Variants in TRMT11 observed in about 807,000 individuals in gnomAD.
TRMT11 encodes tRNA (guanine(10)-N(2))-methyltransferase TRMT11.
In TRMT11, 53 loss-of-function variants were observed where a neutral mutation model predicts 62.8. The ratio of observed to expected loss-of-function variants is 0.84; its 90% CI spans 0.68 to 1.06. The LOEUF (loss-of-function observed/expected upper bound fraction) is 1.06, where lower values mean the gene tolerates loss of function less well. Ranked by LOEUF, TRMT11 falls within the 50% of genes least tolerant of loss-of-function variation. The pLI is 0.00. For synonymous variants in TRMT11, 188 were observed against 190.3 expected (o/e 0.99, Z 0.10); for missense variants, 556 against 553.4 (o/e 1.00, Z -0.05).
chr6:126,150,039 G>C (rs144802030), intron 21 of TRMT11, among the ~76,000 whole-genome samples: 3 of 152,048 alleles, frequency 2.0e-5, no homozygotes, highest in African/African-American at 7.2e-5. Context: ...CTAATGTTGC[G>C]GTATTGAGAG....
chr6:126,015,822 G>A (rs566349582), intron 11 of TRMT11, among the ~76,000 whole-genome samples: 30 of 152,246 alleles, frequency 2.0e-4, no homozygotes, highest in African/African-American at 6.7e-4. Context: ...GTTTTGTAGA[G>A]GACATGGCTT....
intron 6 of TRMT11, among the ~76,000 whole-genome samples, 166 bp downstream of exon 6, chr6:125,998,850 C>T (rs1379032627): frequency 1.3e-5 from 2 of 151,952 alleles, no homozygotes; most frequent in Non-Finnish European, 2.9e-5. Context: ...TTGTGTTTTC[C>T]CAGAGATTCT....
chr6:126,089,832 A>AT (rs1279246322), intron 17 of TRMT11, among the ~76,000 whole-genome samples: 1 of 152,292 alleles, frequency 6.6e-6, no homozygotes, highest in African/African-American at 2.4e-5. Flanking sequence ...AATTCATGGG[A>AT]TTTTTTTCCA....
At chr6:126,258,226 A>C in the TRMT11 span, 2 of 639,776 alleles carry the variant, frequency 3.1e-6, no homozygotes, top group Non-Finnish European at 6.0e-6. Flanking sequence ...CTGGGCCCTT[A>C]TCGTCTGTGC....
chr6:126,261,128 A>G, the TRMT11 span, among the ~76,000 whole-genome samples: 1 of 152,074 alleles, frequency 6.6e-6, no homozygotes, highest in Non-Finnish European at 1.5e-5. Flanking sequence ...TTCTATTCTT[A>G]TTTTATGTTG....
intron 1 of TRMT11, among the ~76,000 whole-genome samples, chr6:126,186,796 G>A (rs577132106): frequency 1.3e-5 from 2 of 151,770 alleles, no homozygotes; most frequent in African/African-American, 2.4e-5. Context: ...TACTTCTCTC[G>A]TGACCTTTAG....
chr6:126,076,447 A>G (rs1777027087), intron 17 of TRMT11, among the ~76,000 whole-genome samples: 1 of 152,228 alleles, frequency 6.6e-6, no homozygotes, highest in Admixed American at 6.5e-5. Context: ...TGGCATTGAT[A>G]GATAGAACCT....
chr6:126,155,397 T>C (rs1416612464), intron 21 of TRMT11, among the ~76,000 whole-genome samples: 1 of 152,212 alleles, frequency 6.6e-6, no homozygotes, highest in Non-Finnish European at 1.5e-5. Context: ...ACATGAGATC[T>C]GGAGGGGACA....
chr6:126,109,375 G>C (rs1431177049), intron 17 of TRMT11, among the ~76,000 whole-genome samples: 1 of 152,134 alleles, frequency 6.6e-6, no homozygotes, highest in Non-Finnish European at 1.5e-5. Flanking sequence ...AGGGTATATA[G>C]GTCAACTGTC....
At chr6:126,091,339 C>T (rs916769230) in intron 17 of TRMT11, among the ~76,000 whole-genome samples, 3 of 152,142 alleles carry the variant, frequency 2.0e-5, no homozygotes, top group Admixed American at 6.5e-5. Context: ...TACCAATCAC[C>T]GACTTTTCGC....
chr6:126,121,299 A>G (rs1777647093), intron 21 of TRMT11, among the ~76,000 whole-genome samples: 1 of 152,122 alleles, frequency 6.6e-6, no homozygotes, highest in Non-Finnish European at 1.5e-5. Context: ...TTTAGATATG[A>G]TGCCCATTTA....
At chr6:126,085,720 T>C (rs1777210370) in intron 17 of TRMT11, among the ~76,000 whole-genome samples, 1 of 152,146 alleles carries the variant, frequency 6.6e-6, no homozygotes, top group African/African-American at 2.4e-5. Flanking sequence ...AAATGGATGA[T>C]TGAGGGAAGT....
the TRMT11 span, among the ~76,000 whole-genome samples, chr6:126,239,328 T>G: frequency 6.6e-6 from 1 of 152,210 alleles, no homozygotes; most frequent in African/African-American, 2.4e-5. Flanking sequence ...TTTGTCATGT[T>G]TTTGCAGTGG....
intron 21 of TRMT11, among the ~76,000 whole-genome samples, chr6:126,150,718 G>A (rs1158930353): frequency 6.6e-6 from 1 of 152,140 alleles, no homozygotes; most frequent in Non-Finnish European, 1.5e-5. Flanking sequence ...AAACATTAGT[G>A]TTTCAGCGGC....
At chr6:126,251,386 A>G in the TRMT11 span, among the ~76,000 whole-genome samples, 19 of 152,312 alleles carry the variant, frequency 1.2e-4, no homozygotes, top group Non-Finnish European at 1.9e-4. Context: ...GGTGCGAAAC[A>G]TAAAATTTTG....
chr6:126,156,001 C>G (rs1393657364), intron 21 of TRMT11, among the ~76,000 whole-genome samples: 1 of 152,186 alleles, frequency 6.6e-6, no homozygotes, highest in Non-Finnish European at 1.5e-5. Flanking sequence ...GCTGGGATTA[C>G]AGGTGTGAGC....
chr6:126,079,181 AATTT>A (rs1433600944), intron 17 of TRMT11, among the ~76,000 whole-genome samples: 1 of 152,094 alleles, frequency 6.6e-6, no homozygotes, highest in Non-Finnish European at 1.5e-5. Context: ...CTAAGCTCCT[AATTT>A]ATTTATTTAT....
At chr6:126,060,721 T>C (rs1275525312) in intron 17 of TRMT11, among the ~76,000 whole-genome samples, 1 of 152,242 alleles carries the variant, frequency 6.6e-6, no homozygotes, top group African/African-American at 2.4e-5. Flanking sequence ...TCTTCTTTTT[T>C]CTTTTGATTG....
the TRMT11 span, among the ~76,000 whole-genome samples, chr6:126,225,754 G>A: frequency 1.6e-4 from 23 of 143,596 alleles, no homozygotes; most frequent in African/African-American, 6.1e-4. Flanking sequence ...GCAATGGCGC[G>A]ATCTCGGCTC....
Sources: allele counts gnomAD v4.1 joint callset (sites outside exome capture counted in the v4.1 genomes callset), GRCh38; gene constraint gnomAD v4.1.1; transcripts MANE v1.5; gene names NCBI Gene and HGNC (gene_info 2026-07-23, HGNC 2026-07-21).